The following SLC16A9 variants were observed in gnomAD, a reference collection of about 807,000 sequenced individuals.
SLC16A9 encodes solute carrier family 16 member 9.
Under a neutral mutation model 44.3 loss-of-function variants are expected in SLC16A9, and 26 were observed. The ratio of observed to expected loss-of-function variants is 0.59; its 90% CI spans 0.43 to 0.81. The LOEUF (loss-of-function observed/expected upper bound fraction) is 0.81, where lower values mean the gene tolerates loss of function less well. Ranked by LOEUF, SLC16A9 falls within the 40% of genes least tolerant of loss-of-function variation. SLC16A9 has a pLI of 0.00. For synonymous variants in SLC16A9, 230 were observed against 225.1 expected, an observed-to-expected ratio of 1.02 and a Z score of -0.19; for missense variants, 559 against 595.8, an observed-to-expected ratio of 0.94 and a Z score of 0.64.
Position 59,680,366 on chromosome 10 carries a change from G to A in SLC16A9, c.196+3730C>T, listed in dbSNP as rs140309176. Among the ~76,000 whole-genome samples the A allele has an allele frequency of 3.3e-3, 506 of 152,262 alleles. 1 individual carries two copies. The highest frequency in any genetic ancestry group is 0.012 in the African/African-American group (484 of 41,548). On this transcript the variant is annotated intron_variant, in intron 2 of 5. Coordinates refer to ENST00000395348, the MANE Select transcript of SLC16A9 (RefSeq NM_194298.3). ...TAGGTTTGCCAAAGCCCAGGAGTAG[G>A]ACTTTATGTTTCACATGCTTAGGCA...
At chr10:59,696,149 GC>G (rs1840366685) in intron 1 of SLC16A9, among the ~76,000 whole-genome samples, 1 of 152,030 alleles carries the variant, frequency 6.6e-6, no homozygotes, top group South Asian at 2.1e-4. Flanking sequence ...TCCCTCTGAT[GC>G]CCAGCCGAAG....
chr10:59,680,983 A>AAATAATAATAATAAT lies in SLC16A9; in HGVS notation c.196+3098_196+3112dup, dbSNP rs67119717. ...GGGTGACAGAGCAAGACCCAATCTCAAATAATAATAATAATAACAATAATA... is the reference window on the plus strand; with the variant it reads ...GGGTGACAGAGCAAGACCCAATCTCAAATAATAATAATAATAATAATAATAATAATAACAATAATA... On this transcript the variant is annotated intron_variant, in intron 2 of 5. Coordinates refer to ENST00000395348, the MANE Select transcript of SLC16A9 (RefSeq NM_194298.3). Among the ~76,000 whole-genome samples, 924 of 148,024 alleles carry AAATAATAATAATAAT rather than the reference A, an allele frequency of 6.2e-3. 2 individuals are homozygous for AAATAATAATAATAAT. The highest frequency in any genetic ancestry group is 0.011 in the Middle Eastern group (3 of 284).
At chr10:59,666,770 AT>A (rs1178875416) in intron 3 of SLC16A9, among the ~76,000 whole-genome samples, 1 of 151,528 alleles carries the variant, frequency 6.6e-6, no homozygotes, top group East Asian at 1.9e-4. Flanking sequence ...AACTACAGTT[AT>A]TTAACCTTGG....
chr10:59,684,876 T>G (rs376907807), intron 1 of SLC16A9, among the ~76,000 whole-genome samples: 15 of 152,194 alleles, frequency 9.9e-5, no homozygotes, highest in Admixed American at 2.0e-4. Flanking sequence ...ATGTTGATCA[T>G]GCACTGGATG....
In SLC16A9 at chr10:59,651,792, C is replaced by A. The variant is rs571528105; in HGVS notation, c.*980G>T. 6.6e-6 allele frequency: 1 copy of A among 152,102 alleles called. No individual in the cohort carries two copies. Among genetic ancestry groups the A allele is most frequent in the Non-Finnish European group, 1.5e-5 (1 of 68,022 alleles). The allele number at this position is 152,102 out of a possible 1,614,324, so 9.4% of individuals were successfully genotyped here. ...ACACACACACACACACACACACTCA[C>A]GTTTAATTCTGCCCTTGAATTATAT... On this transcript the variant is annotated 3_prime_UTR_variant, in exon 6 of 6. Transcript: ENST00000395348.
chr10:59,676,940 A>G (rs950680119), intron 2 of SLC16A9, among the ~76,000 whole-genome samples: 2 of 151,370 alleles, frequency 1.3e-5, no homozygotes, highest in Non-Finnish European at 2.9e-5. Flanking sequence ...AAAAAAAAAA[A>G]AGTAATAACC....
At chr10:59,692,513 A>G (rs573332135) in intron 1 of SLC16A9, among the ~76,000 whole-genome samples, 2 of 152,370 alleles carry the variant, frequency 1.3e-5, no homozygotes, top group Non-Finnish European at 1.5e-5. Context: ...CATGCTAAAA[A>G]TCACTGAGCT....
rs777953811 is a variant in SLC16A9, at chr10:59,684,187, G to A, written c.105C>T (p.Val35=). The change falls in exon 2 of 6, where the codon GTC becomes GTT. Residue 35 remains valine (V), a synonymous_variant. Transcript: ENST00000395348. Reference sequence around the variant, plus strand: ...AGGCATCCAGCCATTCTATGTACAGGACTCCAACAGCTAGTGGGGATCCGT... The same window carrying A: ...AGGCATCCAGCCATTCTATGTACAGAACTCCAACAGCTAGTGGGGATCCGT... ...LCYGSPLAVG[V]LYIEWLDAFG... is the part of the protein sequence containing the mutation. The A allele has an allele frequency of 1.9e-6, 3 of 1,613,974 alleles. No individual in the cohort carries two copies. Among genetic ancestry groups the A allele is most frequent in the Non-Finnish European group, 1.7e-6 (2 of 1,179,948 alleles).
intron 4 of SLC16A9, 145 bp from the exon 5 acceptor site, chr10:59,654,734 A>G: frequency 1.5e-6 from 1 of 651,010 alleles, no homozygotes; most frequent in Non-Finnish European, 2.5e-6. Flanking sequence ...AGAAGATAAC[A>G]ATAATAACAA....
chr10:59,652,197 A>G lies in SLC16A9; in HGVS notation c.*575T>C, dbSNP rs1037252088. On this transcript the variant is annotated 3_prime_UTR_variant, in exon 6 of 6. Transcript: ENST00000395348. The stretch of plus-strand genomic sequence containing the variant: ...GTAAATAGAATAATGAAAACTGGTG[A>G]CTGTAGGTTAAAATATATTTTTTTA... The G allele has an allele frequency of 3.3e-5, 5 of 152,234 alleles. No homozygotes were observed. The highest frequency in any genetic ancestry group is 1.2e-4 in the African/African-American group (5 of 41,466). The allele number at this position is 152,234 out of a possible 1,614,324, so 9.4% of individuals were successfully genotyped here.
chr10:59,679,492 A>G (rs1839940626), intron 2 of SLC16A9, among the ~76,000 whole-genome samples: 1 of 152,222 alleles, frequency 6.6e-6, no homozygotes, highest in Non-Finnish European at 1.5e-5. Flanking sequence ...TGGAACTCTC[A>G]GGGATAGGCT....
intron 2 of SLC16A9, among the ~76,000 whole-genome samples, chr10:59,679,775 T>G (rs1839946933): frequency 6.6e-6 from 1 of 152,138 alleles, no homozygotes; most frequent in Non-Finnish European, 1.5e-5. Context: ...CCAGCCAAAT[T>G]TACTCCATGA....
chr10:59,663,720 C>T (rs1054711217), intron 4 of SLC16A9, among the ~76,000 whole-genome samples: 1 of 152,022 alleles, frequency 6.6e-6, no homozygotes, highest in Non-Finnish European at 1.5e-5. Context: ...AACAAAACTG[C>T]ATGTTCTGCA....
In SLC16A9 at chr10:59,678,546, C is replaced by CTTTTTTT. The variant is rs751112027; in HGVS notation, c.196+5543_196+5549dup. Among the ~76,000 whole-genome samples the CTTTTTTT allele has an allele frequency of 5.6e-4, 17 of 30,614 alleles. 4 individuals are homozygous for CTTTTTTT. Among genetic ancestry groups the CTTTTTTT allele is most frequent in the Admixed American group, 5.5e-3 (10 of 1,826 alleles). The allele number at this position is 30,614 out of a possible 152,430, so 20.1% of individuals were successfully genotyped here. ...ATCTTTTTTTTTTCTTTTTCTTTTT[C>CTTTTTTT]TTTTTTTTGAGACGGAGTCTCGCTC... is the stretch of plus-strand genomic sequence containing the variant. On this transcript the variant is annotated intron_variant, in intron 2 of 5. Coordinates refer to ENST00000395348, the MANE Select transcript of SLC16A9 (RefSeq NM_194298.3).
At chr10:59,666,432 T>C (rs1025963399) in intron 3 of SLC16A9, among the ~76,000 whole-genome samples, 4 of 152,192 alleles carry the variant, frequency 2.6e-5, no homozygotes, top group African/African-American at 9.6e-5. Flanking sequence ...TTCATGAAGT[T>C]AGTCAAGTCA....
chr10:59,704,932 A>G (rs534736777), intron 1 of SLC16A9, among the ~76,000 whole-genome samples: 2 of 152,378 alleles, frequency 1.3e-5, no homozygotes, highest in Admixed American at 1.3e-4. Context: ...TTACCTTCAT[A>G]ATAAAAAAAT....
At chr10:59,655,491 C>A (rs147171500) in intron 4 of SLC16A9, among the ~76,000 whole-genome samples, 1,629 of 152,234 alleles carry the variant, frequency 0.011, 13 homozygotes, top group Non-Finnish European at 0.018. Context: ...TGCTGAATCA[C>A]CGGAATGAGT....
chr10:59,673,917 C>T (rs1588973972), intron 2 of SLC16A9, among the ~76,000 whole-genome samples: 1 of 151,924 alleles, frequency 6.6e-6, no homozygotes, highest in African/African-American at 2.4e-5. Context: ...TGAAAGACAC[C>T]CAACATAAAA....
chr10:59,702,204 C>T (rs1840539481), intron 1 of SLC16A9, among the ~76,000 whole-genome samples: 1 of 152,188 alleles, frequency 6.6e-6, no homozygotes, highest in Non-Finnish European at 1.5e-5. Context: ...GGAGATGTGG[C>T]CCCTTCCTCT....
Sources: gnomAD v4.1 joint callset for allele counts (sites outside exome capture counted in the v4.1 genomes callset) on GRCh38, gnomAD v4.1.1 for gene constraint, MANE v1.5 for transcripts, NCBI Gene and HGNC (gene_info 2026-07-23, HGNC 2026-07-21) for gene names.